MYO16: variants seen among roughly 807,000 people sequenced by gnomAD.
MYO16 encodes the protein unconventional myosin-XVI.
MYO16 carries 94 observed loss-of-function variants against 205.3 expected under a neutral mutation model. That is an observed-to-expected ratio of 0.46 (90% confidence interval 0.39 to 0.54). The LOEUF (loss-of-function observed/expected upper bound fraction) is 0.54. Among genes scored for constraint, MYO16 ranks in the 20% least tolerant of loss-of-function variants. The probability of loss-of-function intolerance (pLI) is 0.00; values close to 1 mark genes in which losing one functional copy is unlikely to be tolerated. For synonymous variants in MYO16, 988 were observed against 954.0 expected, an observed-to-expected ratio of 1.04 and a Z score of -0.66; for missense variants, 2,315 against 2,387.5, an observed-to-expected ratio of 0.97 and a Z score of 0.63.
intron 8 of MYO16, among the ~76,000 whole-genome samples, chr13:108,821,828 G>A (rs528155735): frequency 2.0e-5 from 3 of 152,234 alleles, no homozygotes; most frequent in South Asian, 4.1e-4. Context: ...TTACCACATT[G>A]GTCATGCAAA....
At chr13:108,670,555 G>T (rs1364045650) in intron 2 of MYO16, among the ~76,000 whole-genome samples, 1 of 152,166 alleles carries the variant, frequency 6.6e-6, no homozygotes, top group African/African-American at 2.4e-5. Flanking sequence ...GCAAAGAAGG[G>T]AACATGCAAG....
intron 9 of MYO16, among the ~76,000 whole-genome samples, chr13:108,835,166 TC>T: frequency 6.6e-6 from 1 of 152,294 alleles, no homozygotes; most frequent in Middle Eastern, 3.4e-3. Flanking sequence ...GAATTATAGT[TC>T]CCATAATCCC....
At chr13:108,972,253 A>C (rs368784864) in intron 20 of MYO16, among the ~76,000 whole-genome samples, 641 of 12,612 alleles carry the variant, frequency 0.051, 28 homozygotes, top group Middle Eastern at 0.1. Flanking sequence ...CTCTCTCTAT[A>C]TATATATATA....
rs1012395399 is a variant in MYO16, at chr13:109,029,451, C to T, written c.2796+9540C>T. On this transcript the variant is annotated intron_variant, in intron 23 of 34. Transcript: ENST00000457511. Reference sequence around the variant, plus strand: ...CCTGTGTCAGGAACACCTTTCATAACGTGTCCTTTACCTCCCTGGAGATTT... The same window carrying T: ...CCTGTGTCAGGAACACCTTTCATAATGTGTCCTTTACCTCCCTGGAGATTT... Among the ~76,000 whole-genome samples, 27 of 152,084 alleles carry T rather than the reference C, an allele frequency of 1.8e-4. No individual in the cohort carries two copies. In the South Asian group the frequency reaches 1.9e-3, roughly 10 times the overall value.
the MYO16 span, among the ~76,000 whole-genome samples, chr13:108,518,998 C>A: frequency 6.6e-6 from 1 of 152,154 alleles, no homozygotes; most frequent in East Asian, 1.9e-4. Context: ...GATTAACACA[C>A]TTTTTCAAAA....
chr13:109,137,246 G>T (rs1313419759), intron 31 of MYO16, among the ~76,000 whole-genome samples: 1 of 152,186 alleles, frequency 6.6e-6, no homozygotes, highest in African/African-American at 2.4e-5. Flanking sequence ...AGGGGGCCAG[G>T]CAGAGGCTGT....
At chr13:108,754,948 T>C (rs1885373062) in intron 4 of MYO16, among the ~76,000 whole-genome samples, 1 of 151,648 alleles carries the variant, frequency 6.6e-6, no homozygotes, top group Admixed American at 6.6e-5. Context: ...GTAATAAGTA[T>C]GATGAATATA....
Position 108,964,621 on chromosome 13 carries a change from A to G in MYO16, c.2228-140A>G, listed in dbSNP as rs904701132. 6 of 911,408 alleles carry G rather than the reference A, an allele frequency of 6.6e-6. No individual in the cohort carries two copies. In the African/African-American group the frequency reaches 6.6e-5, roughly 10 times the overall value. 56.5% of individuals were successfully genotyped at this position (911,408 alleles called of 1,614,324 possible). A position where few individuals can be genotyped will look rare whatever the true frequency, so the allele number is the denominator to read the frequency against. On this transcript the variant is annotated intron_variant, in intron 19 of 34. Transcript: ENST00000457511. ...TTGCATAATAACTGACGGAGACCTC[A>G]TTTATGAGAATCCGTATAATTTTTA...
At chr13:109,017,527 G>A (rs564632224) in intron 22 of MYO16, among the ~76,000 whole-genome samples, 2 of 152,192 alleles carry the variant, frequency 1.3e-5, no homozygotes, top group African/African-American at 4.8e-5. Context: ...GCTCGGTTGG[G>A]GAAGTTCTCC....
chr13:108,883,312 T>C, intron 13 of MYO16, 126 bp downstream of exon 13: 1 of 1,200,414 alleles, frequency 8.3e-7, no homozygotes, highest in Non-Finnish European at 1.1e-6. Flanking sequence ...AGTATATCTT[T>C]GCAATAAGTA....
intron 17 of MYO16, among the ~76,000 whole-genome samples, chr13:108,959,281 C>T (rs1418112465): frequency 6.6e-6 from 1 of 152,204 alleles, no homozygotes; most frequent in Non-Finnish European, 1.5e-5. Context: ...TGTCTTTGCA[C>T]TTGCTGCTGT....
chr13:108,812,164 C>T (rs1380565607), intron 7 of MYO16, among the ~76,000 whole-genome samples: 2 of 152,126 alleles, frequency 1.3e-5, no homozygotes, highest in Admixed American at 6.6e-5. Flanking sequence ...CTTCACTGGC[C>T]GTCTTTCCTA....
At chr13:108,570,110 T>A in the MYO16 span, among the ~76,000 whole-genome samples, 1 of 152,190 alleles carries the variant, frequency 6.6e-6, no homozygotes, top group Non-Finnish European at 1.5e-5. Context: ...CTCTGCCTGA[T>A]TTTGGAAATA....
intron 3 of MYO16, among the ~76,000 whole-genome samples, chr13:108,714,142 C>G (rs951158962): frequency 1.3e-5 from 2 of 152,228 alleles, no homozygotes; most frequent in South Asian, 4.2e-4. Flanking sequence ...CTGCAAGCTC[C>G]GTCTCCTGGT....
rs1031391399 is a variant in MYO16, at chr13:109,055,244, C to CAT, written c.3129+120_3129+121dup. The CAT allele has an allele frequency of 9.8e-6, 8 of 813,484 alleles. No homozygotes were observed. The highest frequency in any genetic ancestry group is 1.3e-5 in the Non-Finnish European group (7 of 559,136). 50.4% of individuals were successfully genotyped at this position (813,484 alleles called of 1,614,324 possible). A position where few individuals can be genotyped will look rare whatever the true frequency, so the allele number is the denominator to read the frequency against. ...TAAATATCTTCACAAAAAAAGTAAA[C>CAT]ATACACACACACACACACACACACA... is the stretch of plus-strand genomic sequence containing the variant. On this transcript the variant is annotated intron_variant, in intron 26 of 34. Coordinates refer to ENST00000457511, the MANE Select transcript of MYO16 (RefSeq NM_001198950.3). This position sits in a 1 kb window ranked among gnomAD's most constrained non-coding sequence, Gnocchi z 5.0.
intron 4 of MYO16, among the ~76,000 whole-genome samples, chr13:108,784,334 A>G (rs1886394615): frequency 6.6e-6 from 1 of 152,238 alleles, no homozygotes. Flanking sequence ...TTAGATAAGT[A>G]AAACATCTGA....
At position 108,972,374 on chromosome 13, in the gene MYO16, A is replaced by C. The variant is rs1206076651; in HGVS notation, c.2369+7472A>C. 2.0e-3 allele frequency among the ~76,000 whole-genome samples: 116 copies of C among 58,966 alleles called. 31 individuals are homozygous for C. The East Asian group carries it at 0.039, about 20-fold the overall frequency. The allele number at this position is 58,966 out of a possible 152,430, so 38.7% of individuals were successfully genotyped here. On this transcript the variant is annotated intron_variant, in intron 20 of 34. Coordinates refer to ENST00000457511, the MANE Select transcript of MYO16 (RefSeq NM_001198950.3). ...GCCATATATATATATATATATATAT[A>C]TATATATATATATATATATATATAG...
At chr13:108,665,710 C>G (rs186856786) in intron 1 of MYO16, among the ~76,000 whole-genome samples, 176 bp from the exon 2 acceptor site, 8 of 152,128 alleles carry the variant, frequency 5.3e-5, no homozygotes, top group Non-Finnish European at 1.0e-4. Context: ...GAGAAACACA[C>G]GAACTATTTT....
chr13:108,995,018 A>G (rs1478906394), intron 21 of MYO16, among the ~76,000 whole-genome samples: 3 of 152,216 alleles, frequency 2.0e-5, no homozygotes, highest in Non-Finnish European at 4.4e-5. Flanking sequence ...CATCTAAAAG[A>G]TGAGATACTA....
Sources: gnomAD v4.1 joint callset for allele counts (sites outside exome capture counted in the v4.1 genomes callset) on GRCh38, gnomAD v4.1.1 for gene constraint, Gnocchi (gnomAD v3.1) non-coding constraint, MANE v1.5 for transcripts, NCBI Gene and HGNC (gene_info 2026-07-23, HGNC 2026-07-21) for gene names.